The following ADGRB3 variants were observed in gnomAD, a reference collection of about 807,000 sequenced individuals.
ADGRB3 encodes adhesion G protein-coupled receptor B3, also known as brain-specific angiogenesis inhibitor 3.
Under a neutral mutation model 193.4 loss-of-function variants are expected in ADGRB3, and 37 were observed. The observed-to-expected ratio is 0.19, with a 90% CI of 0.15 to 0.25. ADGRB3 has a LOEUF of 0.25. Ranked by LOEUF, ADGRB3 falls within the 10% of genes least tolerant of loss-of-function variation. The pLI, the probability that ADGRB3 is intolerant of heterozygous loss-of-function variation, is 1.00. For synonymous variants in ADGRB3, 690 were observed against 644.2 expected (o/e 1.07, Z -1.08); for missense variants, 1,637 against 1,852.9 (o/e 0.88, Z 2.14).
chr6:68,942,837 C>G lies in ADGRB3; in HGVS notation c.1031-993C>G, dbSNP rs559448213. On this transcript the variant is annotated intron_variant, in intron 5 of 31. Transcript: ENST00000370598. ...TTTTGGCCAGGCTGGCCTTGAACTC[C>G]TGACCTCAGGTGATCTGCCCATCTT... Among the ~76,000 whole-genome samples the G allele has an allele frequency of 7.0e-4, 106 of 152,310 alleles. 1 individual carries two copies. The highest frequency in any genetic ancestry group is 1.2e-3 in the Non-Finnish European group (85 of 68,024).
intron 3 of ADGRB3, among the ~76,000 whole-genome samples, chr6:68,753,647 G>A (rs941641759): frequency 6.6e-6 from 1 of 152,168 alleles, no homozygotes; most frequent in Non-Finnish European, 1.5e-5. Context: ...TATGAAGAAC[G>A]TGACAGACTG....
chr6:68,642,966 A>C (rs961427462), intron 3 of ADGRB3, among the ~76,000 whole-genome samples: 1 of 152,194 alleles, frequency 6.6e-6, no homozygotes, highest in Non-Finnish European at 1.5e-5. Context: ...TATATAGCTG[A>C]GATATAAAAT....
Position 68,794,222 on chromosome 6 carries a change from T to C in ADGRB3, c.758-136337T>C, listed in dbSNP as rs112244649. ...TTAAAATTTGGAAATGATACAAAGCTATAGCCAGAGCAATCATGTAAATCC... is the reference window on the plus strand; with the variant it reads ...TTAAAATTTGGAAATGATACAAAGCCATAGCCAGAGCAATCATGTAAATCC... On this transcript the variant is annotated intron_variant, in intron 3 of 31. Transcript: ENST00000370598. Among the ~76,000 whole-genome samples, 421 of 152,184 alleles carry C rather than the reference T, an allele frequency of 2.8e-3. 1 individual carries two copies. Among genetic ancestry groups the C allele is most frequent in the African/African-American group, 9.7e-3 (401 of 41,534 alleles).
intron 20 of ADGRB3, among the ~76,000 whole-genome samples, chr6:69,248,779 A>C (rs1214139355): frequency 6.6e-6 from 1 of 152,190 alleles, no homozygotes; most frequent in Non-Finnish European, 1.5e-5. Context: ...TGTGCATACC[A>C]ACAGAACAAC....
At chr6:68,976,042 A>G (rs554564980) in intron 10 of ADGRB3, among the ~76,000 whole-genome samples, 1 of 152,314 alleles carries the variant, frequency 6.6e-6, no homozygotes, top group South Asian at 2.1e-4. Flanking sequence ...TAAACACTGT[A>G]GGGTGTAGAA....
At chr6:68,993,022 T>C (rs2150274780) in intron 10 of ADGRB3, among the ~76,000 whole-genome samples, 1 of 152,264 alleles carries the variant, frequency 6.6e-6, no homozygotes, top group Non-Finnish European at 1.5e-5. Flanking sequence ...TTCTCTTACC[T>C]TACTATTCTT....
chr6:69,358,935 A>T (rs9454737), intron 28 of ADGRB3, among the ~76,000 whole-genome samples: 5,434 of 140,542 alleles, frequency 0.039, 157 homozygotes, highest in African/African-American at 0.086. Context: ...ATATATATAT[A>T]TTTTTTTTCA....
chr6:69,084,904 C>T (rs760237071), intron 17 of ADGRB3, among the ~76,000 whole-genome samples: 2 of 152,034 alleles, frequency 1.3e-5, no homozygotes, highest in Non-Finnish European at 2.9e-5. Flanking sequence ...TTGGGGTATG[C>T]ATGAGTTGTT....
chr6:69,177,877 A>G (rs2150350224), intron 17 of ADGRB3, among the ~76,000 whole-genome samples: 1 of 152,284 alleles, frequency 6.6e-6, no homozygotes, highest in South Asian at 2.1e-4. Flanking sequence ...ATCTTGGAAT[A>G]TGGTCCATGT....
intron 3 of ADGRB3, among the ~76,000 whole-genome samples, chr6:68,855,593 TA>T (rs1276199615): frequency 6.6e-6 from 1 of 152,076 alleles, no homozygotes; most frequent in Non-Finnish European, 1.5e-5. Flanking sequence ...GCACCAGTAT[TA>T]AACAAAATCA....
At chr6:69,052,038 C>G (rs1046457577) in intron 15 of ADGRB3, among the ~76,000 whole-genome samples, 1 of 152,208 alleles carries the variant, frequency 6.6e-6, no homozygotes, top group South Asian at 2.1e-4. Flanking sequence ...CTTCAGGCGC[C>G]CACCACCACG....
chr6:68,679,071 A>G (rs536950490), intron 3 of ADGRB3, among the ~76,000 whole-genome samples: 3 of 152,124 alleles, frequency 2.0e-5, no homozygotes, highest in Non-Finnish European at 4.4e-5. Flanking sequence ...TCTCTTTCAG[A>G]TATCTATCCT....
intron 3 of ADGRB3, among the ~76,000 whole-genome samples, chr6:68,801,705 A>G (rs1209448456): frequency 6.6e-6 from 1 of 152,114 alleles, no homozygotes; most frequent in Non-Finnish European, 1.5e-5. Context: ...ATAAAAATAA[A>G]AACAAAAATA....
intron 3 of ADGRB3, among the ~76,000 whole-genome samples, chr6:68,834,177 G>T (rs539149474): frequency 1.3e-5 from 2 of 151,970 alleles, no homozygotes; most frequent in East Asian, 3.9e-4. Context: ...GTGCAACTCT[G>T]CAATTTTTCA....
At chr6:69,287,928 T>C (rs964249558) in intron 20 of ADGRB3, among the ~76,000 whole-genome samples, 10 of 152,222 alleles carry the variant, frequency 6.6e-5, no homozygotes, top group African/African-American at 2.4e-4. Flanking sequence ...CTTTAAACTA[T>C]GTAGGAACTT....
intron 13 of ADGRB3, among the ~76,000 whole-genome samples, chr6:69,047,880 T>G (rs1029854833): frequency 6.6e-6 from 1 of 152,188 alleles, no homozygotes; most frequent in Non-Finnish European, 1.5e-5. Flanking sequence ...ACAATTAAAA[T>G]GGAGACCAAC....
At chr6:69,310,345 A>G (rs1174665316) in intron 20 of ADGRB3, among the ~76,000 whole-genome samples, 3 of 151,770 alleles carry the variant, frequency 2.0e-5, no homozygotes, top group Admixed American at 2.0e-4. Context: ...CCATTTCTAA[A>G]CAAAGTTAGA....
chr6:69,251,903 A>T (rs1766631646), intron 20 of ADGRB3, among the ~76,000 whole-genome samples: 1 of 152,162 alleles, frequency 6.6e-6, no homozygotes, highest in Non-Finnish European at 1.5e-5. Context: ...GGAATTTTGT[A>T]CCCTTTCTAA....
chr6:68,907,625 A>G (rs912991265), intron 3 of ADGRB3, among the ~76,000 whole-genome samples: 5 of 151,934 alleles, frequency 3.3e-5, no homozygotes, highest in African/African-American at 1.2e-4. Context: ...TATAGAAATT[A>G]TATTTCTCTC....
Sources: allele counts gnomAD v4.1 joint callset (sites outside exome capture counted in the v4.1 genomes callset), GRCh38; gene constraint gnomAD v4.1.1; transcripts MANE v1.5; gene names NCBI Gene and HGNC (gene_info 2026-07-23, HGNC 2026-07-21).